The following ZNF138 variants were observed in gnomAD, a reference collection of about 807,000 sequenced individuals.
The protein encoded by ZNF138 is zinc finger protein 138, also known as zinc finger protein 138 (clone pHZ-32).
ZNF138 carries 33 observed loss-of-function variants against 33.0 expected under a neutral mutation model. The ratio of observed to expected loss-of-function variants is 1.00; its 90% CI spans 0.76 to 1.34. The LOEUF (loss-of-function observed/expected upper bound fraction) is 1.34, where lower values mean the gene tolerates loss of function less well. Ranked by LOEUF, ZNF138 falls within the 40% of genes most tolerant of loss-of-function variation. ZNF138 has a pLI of 0.00. For missense variants in ZNF138, 360 were observed against 370.8 expected (o/e 0.97, Z 0.24); for synonymous variants, 139 against 120.4 (o/e 1.15, Z -1.01).
chr7:64,798,376 CTA>C (rs1301646505), intron 1 of ZNF138, among the ~76,000 whole-genome samples: 1 of 152,204 alleles, frequency 6.6e-6, no homozygotes, highest in Non-Finnish European at 1.5e-5. Flanking sequence ...ATAAACTTAA[CTA>C]TATTTTGATT....
chr7:64,843,338 G>A, the ZNF138 span, among the ~76,000 whole-genome samples: 2,839 of 152,186 alleles, frequency 0.019, 87 homozygotes, highest in African/African-American at 0.064. Flanking sequence ...TAAAATTGCT[G>A]TATTTGGTGG....
chr7:64,818,715 A>G (rs1788876448), intron 3 of ZNF138, among the ~76,000 whole-genome samples: 1 of 138,038 alleles, frequency 7.2e-6, no homozygotes, highest in Admixed American at 7.3e-5. Context: ...ATGCCTCTGC[A>G]CTTTAGCCTG....
the ZNF138 span, among the ~76,000 whole-genome samples, chr7:64,852,237 A>G: frequency 3.4e-4 from 51 of 152,212 alleles, no homozygotes; most frequent in Non-Finnish European, 5.6e-4. Flanking sequence ...AAAGGCATGG[A>G]TTTTATTTTA....
intron 1 of ZNF138, among the ~76,000 whole-genome samples, chr7:64,807,605 C>T (rs970064372): frequency 3.3e-5 from 5 of 152,180 alleles, no homozygotes; most frequent in Non-Finnish European, 4.4e-5. Context: ...CTAGAATCTA[C>T]ACAGAAGGTG....
chr7:64,847,347 T>C, the ZNF138 span, among the ~76,000 whole-genome samples: 4 of 142,868 alleles, frequency 2.8e-5, no homozygotes, highest in Non-Finnish European at 4.6e-5. Context: ...TTTTTTTTTT[T>C]TCTGCAGTTC....
At chr7:64,824,123 TCC>T (rs1374986639) in intron 3 of ZNF138, among the ~76,000 whole-genome samples, 3 of 152,178 alleles carry the variant, frequency 2.0e-5, no homozygotes, top group Admixed American at 6.5e-5. Flanking sequence ...TGCAATATAA[TCC>T]TCAGTGTTGG....
At position 64,815,117 on chromosome 7, in the gene ZNF138, G is replaced by A. The variant is rs570477721; in HGVS notation, c.130+73G>A. 1.0e-5 allele frequency: 14 copies of A among 1,360,092 alleles called. No individual in the cohort carries two copies. In the South Asian group the frequency reaches 2.3e-4, roughly 23 times the overall value. The allele number at this position is 1,360,092 out of a possible 1,614,324, so 84.3% of individuals were successfully genotyped here. A position where few individuals can be genotyped will look rare whatever the true frequency, so the allele number is the denominator to read the frequency against. On this transcript the variant is annotated intron_variant, in intron 2 of 3. Transcript: ENST00000307355. ...ATTTTTTTTTTTTTTTGGGTAGAAT[G>A]TCTTTTGGTAATTTATGCTTTGCAT...
chr7:64,841,882 A>T, the ZNF138 span, among the ~76,000 whole-genome samples: 1 of 152,234 alleles, frequency 6.6e-6, no homozygotes, highest in Non-Finnish European at 1.5e-5. Flanking sequence ...CACTGTCCAT[A>T]GATCAGAGGA....
rs1788492310 is a variant in ZNF138, at chr7:64,814,985, C to T, written c.71C>T (p.Ala24Val). 6.2e-7 allele frequency: 1 copy of T among 1,612,904 alleles called. No individual in the cohort carries two copies. The highest frequency in any genetic ancestry group is 2.2e-5 in the East Asian group (1 of 44,848). Residue 24 changes from alanine to valine, a missense_variant, in exon 2 of 4, where the codon GCA (alanine) becomes GTA (valine). Physicochemically the swap from Ala to Val is moderately conservative, Grantham distance 64 (BLOSUM62 0). Transcript: ENST00000307355. The part of the protein sequence containing the change: ...SLEEWQCLDT[A>V]QRNVYRHVML... ...GAGGAGTGGCAGTGCCTGGACACTG[C>T]ACAGCGGAATGTATATAGGCATGTG...
At chr7:64,847,605 G>A in the ZNF138 span, among the ~76,000 whole-genome samples, 1 of 151,988 alleles carries the variant, frequency 6.6e-6, no homozygotes, top group African/African-American at 2.4e-5. Flanking sequence ...ATGATATAAT[G>A]TCCCTCTTTG....
chr7:64,796,948 G>A (rs117089801), intron 1 of ZNF138, among the ~76,000 whole-genome samples: 7,386 of 152,190 alleles, frequency 0.049, 218 homozygotes, highest in Middle Eastern at 0.085. Flanking sequence ...TATTCGGGAG[G>A]CTGAGGTGGG....
chr7:64,851,217 G>C, the ZNF138 span, among the ~76,000 whole-genome samples: 1 of 152,052 alleles, frequency 6.6e-6, no homozygotes, highest in African/African-American at 2.4e-5. Flanking sequence ...TTGAAACTTT[G>C]TATTTTTTGA....
At chr7:64,796,029 AC>A (rs1454199814) in intron 1 of ZNF138, among the ~76,000 whole-genome samples, 1 of 152,078 alleles carries the variant, frequency 6.6e-6, no homozygotes, top group Non-Finnish European at 1.5e-5. Flanking sequence ...TGAAAAGCAA[AC>A]CCTTTGAGAA....
intron 3 of ZNF138, among the ~76,000 whole-genome samples, chr7:64,824,856 C>T (rs1283291999): frequency 1.2e-5 from 1 of 84,540 alleles, no homozygotes; most frequent in Non-Finnish European, 2.2e-5. Flanking sequence ...TGACTCAACG[C>T]TTATGAGTCT....
intron 1 of ZNF138, among the ~76,000 whole-genome samples, chr7:64,799,049 T>C (rs553434949): frequency 1.3e-5 from 2 of 152,304 alleles, no homozygotes; most frequent in East Asian, 3.9e-4. Context: ...TGGTTTCATA[T>C]GAATTTTAAA....
At chr7:64,823,506 T>G (rs1789332425) in intron 3 of ZNF138, among the ~76,000 whole-genome samples, 1 of 152,046 alleles carries the variant, frequency 6.6e-6, no homozygotes, top group South Asian at 2.1e-4. Context: ...CAACTAATTT[T>G]TTGATTATTT....
intron 3 of ZNF138, among the ~76,000 whole-genome samples, chr7:64,829,938 C>A (rs1055370385): frequency 1.3e-5 from 2 of 152,116 alleles, no homozygotes; most frequent in Non-Finnish European, 2.9e-5. Context: ...CTCCTTTCAG[C>A]ATCTTTGATA....
intron 3 of ZNF138, among the ~76,000 whole-genome samples, chr7:64,818,309 G>A (rs1399224664): frequency 2.0e-5 from 3 of 152,028 alleles, no homozygotes; most frequent in Non-Finnish European, 4.4e-5. Context: ...TATATAAGCA[G>A]AGGCTCTAAC....
the ZNF138 span, among the ~76,000 whole-genome samples, chr7:64,847,804 T>A: frequency 6.6e-6 from 1 of 152,222 alleles, no homozygotes; most frequent in Non-Finnish European, 1.5e-5. Flanking sequence ...TCTTATCAGT[T>A]CTTCAATTCT....
Sources: gnomAD v4.1 joint callset for allele counts (sites outside exome capture counted in the v4.1 genomes callset) on GRCh38, gnomAD v4.1.1 for gene constraint, MANE v1.5 for transcripts, NCBI Gene and HGNC (gene_info 2026-07-23, HGNC 2026-07-21) for gene names.